Variants in ASTN2 observed in about 807,000 individuals in gnomAD.
ASTN2 encodes the protein astrotactin-2.
ASTN2 carries 54 observed loss-of-function variants against 139.8 expected under a neutral mutation model. The observed-to-expected ratio is 0.39, with a 90% CI of 0.31 to 0.48. The LOEUF is 0.48. ASTN2 is among the 20% of genes least tolerant of loss of function. The pLI is 0.95. For synonymous variants in ASTN2, 756 were observed against 719.5 expected (o/e 1.05, Z -0.81); for missense variants, 1,565 against 1,725.1 (o/e 0.91, Z 1.64).
chr9:116,543,838 G>A (rs954575091), intron 19 of ASTN2: 5 of 152,128 alleles, frequency 3.3e-5, no homozygotes, highest in Admixed American at 6.6e-5. Flanking sequence ...TCAGGATGAC[G>A]CTTGTGAGGT....
At chr9:117,124,644 C>T (rs553553787) in intron 4 of ASTN2, among the ~76,000 whole-genome samples, 11 of 152,156 alleles carry the variant, frequency 7.2e-5, no homozygotes, top group Middle Eastern at 3.4e-3. Flanking sequence ...CTTAAATCTT[C>T]CTTACATGCA....
rs1564385671 is a variant in ASTN2, at chr9:117,016,609, T to TAAC, written c.1424-8351_1424-8350insGTT. ...TCTAGGTTTTATATATATATCTATA[T>TAAC]CTATATCTATCTATCTATATATATA... On this transcript the variant is annotated intron_variant, in intron 6 of 22. Transcript: ENST00000313400. Among the ~76,000 whole-genome samples the TAAC allele has an allele frequency of 2.5e-3, 39 of 15,562 alleles. 7 individuals are homozygous for TAAC. Among genetic ancestry groups the TAAC allele is most frequent in the African/African-American group, 0.016 (39 of 2,498 alleles). The allele number at this position is 15,562 out of a possible 152,430, so 10.2% of individuals were successfully genotyped here. A position where few individuals can be genotyped will look rare whatever the true frequency, so the allele number is the denominator to read the frequency against.
At chr9:117,204,651 T>C (rs1023739319) in intron 3 of ASTN2, among the ~76,000 whole-genome samples, 3 of 152,132 alleles carry the variant, frequency 2.0e-5, no homozygotes, top group African/African-American at 7.2e-5. Flanking sequence ...ATAACTGATG[T>C]AGAAACTGAT....
chr9:116,786,248 C>G (rs1830372546), intron 13 of ASTN2, among the ~76,000 whole-genome samples: 1 of 152,112 alleles, frequency 6.6e-6, no homozygotes, highest in South Asian at 2.1e-4. Context: ...ACATAGAATC[C>G]CCTGCCTAAA....
intron 10 of ASTN2, among the ~76,000 whole-genome samples, chr9:116,946,590 T>C (rs1441403252): frequency 6.6e-6 from 1 of 151,968 alleles, no homozygotes; most frequent in Non-Finnish European, 1.5e-5. Context: ...GACCATAAAA[T>C]AGAAACAGGG....
intron 19 of ASTN2, chr9:116,561,876 C>T (rs970352503): frequency 6.6e-6 from 1 of 152,224 alleles, no homozygotes; most frequent in African/African-American, 2.4e-5. Flanking sequence ...TTTTCATTCC[C>T]TTGACTTCCT....
chr9:116,630,083 C>T (rs557591221), intron 17 of ASTN2, among the ~76,000 whole-genome samples: 17 of 152,178 alleles, frequency 1.1e-4, no homozygotes, highest in African/African-American at 3.9e-4. Context: ...TTTTCTATTC[C>T]AAACACAGTG....
At chr9:117,367,303 A>G (rs531380308) in intron 1 of ASTN2, among the ~76,000 whole-genome samples, 1 of 152,322 alleles carries the variant, frequency 6.6e-6, no homozygotes, top group African/African-American at 2.4e-5. Flanking sequence ...TGAAGTCTAT[A>G]GCAATTAAGT....
intron 13 of ASTN2, among the ~76,000 whole-genome samples, chr9:116,778,673 C>T (rs1351648249): frequency 6.6e-6 from 1 of 152,162 alleles, no homozygotes; most frequent in African/African-American, 2.4e-5. Flanking sequence ...GTGCACCCAT[C>T]CTTGTCAAAA....
intron 13 of ASTN2, among the ~76,000 whole-genome samples, chr9:116,751,684 A>G (rs1829407610): frequency 6.6e-6 from 1 of 152,172 alleles, no homozygotes; most frequent in African/African-American, 2.4e-5. Context: ...ACAGATTTAC[A>G]TACAAAAGTC....
At position 117,141,158 on chromosome 9, in the gene ASTN2, G is replaced by C. The variant is rs142358638; in HGVS notation, c.1168+168C>G. 1.6e-3 allele frequency among the ~76,000 whole-genome samples: 239 copies of C among 152,268 alleles called. 1 individual carries two copies. The highest frequency in any genetic ancestry group is 2.7e-3 in the Non-Finnish European group (187 of 68,030). Reference sequence around the variant, plus strand: ...TGGGGCTCAGAGAGGTTAGCTCTGGGTGTAGGGAGCATAGGTCTGCAGCCT... The same window carrying C: ...TGGGGCTCAGAGAGGTTAGCTCTGGCTGTAGGGAGCATAGGTCTGCAGCCT... On this transcript the variant is annotated intron_variant, in intron 4 of 22. Coordinates refer to ENST00000313400, the MANE Select transcript of ASTN2 (RefSeq NM_001365068.1).
chr9:117,041,921 C>T (rs186915636), intron 5 of ASTN2, among the ~76,000 whole-genome samples: 5 of 152,058 alleles, frequency 3.3e-5, no homozygotes, highest in African/African-American at 1.2e-4. Flanking sequence ...GATAAACTAC[C>T]CATATTCATT....
intron 19 of ASTN2, among the ~76,000 whole-genome samples, chr9:116,576,060 C>T (rs141505008): frequency 3.3e-5 from 5 of 152,184 alleles, no homozygotes; most frequent in East Asian, 3.9e-4. Flanking sequence ...GGTTATTGAG[C>T]GCCCCACCCC....
chr9:116,810,432 C>T (rs767223307), intron 12 of ASTN2, among the ~76,000 whole-genome samples: 26 of 152,232 alleles, frequency 1.7e-4, no homozygotes, highest in South Asian at 1.7e-3. Context: ...CTCTCTGTAC[C>T]GCCTTTGCTT....
At chr9:116,606,685 T>C (rs1855224064) in intron 19 of ASTN2, among the ~76,000 whole-genome samples, 1 of 151,648 alleles carries the variant, frequency 6.6e-6, no homozygotes, top group African/African-American at 2.4e-5. Context: ...TTCCTCCCTT[T>C]AATTTTTTTT....
chr9:116,607,070 C>T (rs1855245519), intron 19 of ASTN2, among the ~76,000 whole-genome samples: 1 of 152,044 alleles, frequency 6.6e-6, no homozygotes, highest in Admixed American at 6.6e-5. Flanking sequence ...TCAGATGTAC[C>T]CTCCCAATCA....
chr9:116,537,072 A>C (rs1395430649), intron 19 of ASTN2, among the ~76,000 whole-genome samples: 1 of 152,114 alleles, frequency 6.6e-6, no homozygotes, highest in Non-Finnish European at 1.5e-5. Flanking sequence ...CCCCTCCCCC[A>C]GCCTTGCTGC....
At chr9:116,930,565 A>G (rs1834869170) in intron 10 of ASTN2, among the ~76,000 whole-genome samples, 1 of 151,552 alleles carries the variant, frequency 6.6e-6, no homozygotes, top group African/African-American at 2.4e-5. Flanking sequence ...GTGTGGATTG[A>G]GAGAGGTGTC....
chr9:116,538,777 C>G (rs564718331), intron 19 of ASTN2, among the ~76,000 whole-genome samples: 26 of 152,202 alleles, frequency 1.7e-4, no homozygotes, highest in Middle Eastern at 3.4e-3. Flanking sequence ...AATATCATCA[C>G]CTGTGCTTAT....
Sources: gnomAD v4.1 joint callset for allele counts (sites outside exome capture counted in the v4.1 genomes callset) on GRCh38, gnomAD v4.1.1 for gene constraint, MANE v1.5 for transcripts, NCBI Gene and HGNC (gene_info 2026-07-23, HGNC 2026-07-21) for gene names.